Variants in ITGAE observed in about 807,000 individuals in gnomAD.
The protein encoded by ITGAE is integrin subunit alpha E.
A neutral mutation model predicts 136.5 loss-of-function variants in ITGAE; 99 were observed. The observed-to-expected ratio is 0.73, with a 90% CI of 0.62 to 0.86. ITGAE has a LOEUF of 0.86. Among genes scored for constraint, ITGAE ranks in the 40% least tolerant of loss-of-function variants. The pLI is 0.00. For missense variants in ITGAE, 1,447 were observed against 1,515.3 expected (o/e 0.95, Z 0.75); for synonymous variants, 613 against 591.8 (o/e 1.04, Z -0.52).
chr17:3,731,347 T>TC, intron 22 of ITGAE, among the ~76,000 whole-genome samples, 164 bp from the exon 23 acceptor site: 1 of 23,558 alleles, frequency 4.2e-5, no homozygotes, highest in East Asian at 1.8e-3. Flanking sequence ...TTTTTTTTTT[T>TC]TTTTTTTTTT....
intron 29 of ITGAE, among the ~76,000 whole-genome samples, chr17:3,719,797 G>A (rs376239137): frequency 4.0e-4 from 60 of 151,048 alleles, no homozygotes; most frequent in African/African-American, 1.4e-3. Context: ...GTGTGATCTC[G>A]GCTCACTGCA....
chr17:3,759,024 C>T (rs2143069895), intron 8 of ITGAE, among the ~76,000 whole-genome samples: 3 of 151,308 alleles, frequency 2.0e-5, no homozygotes, highest in Non-Finnish European at 4.4e-5. Flanking sequence ...ACTCGGGAGG[C>T]TGAGGCAGGA....
intron 18 of ITGAE, among the ~76,000 whole-genome samples, chr17:3,745,175 G>C (rs953173669): frequency 2.0e-5 from 3 of 151,804 alleles, no homozygotes; most frequent in Admixed American, 6.6e-5. Flanking sequence ...CCTTTTAGTT[G>C]TTCACTTTTT....
Position 3,763,957 on chromosome 17 carries a change from G to A in ITGAE, c.159C>T (p.Leu53=), listed in dbSNP as rs770676381. ...HQDPSTNQTW[L]LVTSPRTKRT... ...TCTTGGTTCTGGGGCTGGTGACCAG[G>A]AGCCTGAGTGGGAGGGGAGGTTGCA... The change falls in exon 3 of 31, where the codon CTC becomes CTT. Residue 53 remains leucine, a synonymous_variant. Transcript: ENST00000263087. The A allele has an allele frequency of 2.5e-6, 4 of 1,610,934 alleles. No homozygotes were observed. The highest frequency in any genetic ancestry group is 2.2e-5 in the East Asian group (1 of 44,812).
intron 2 of ITGAE, among the ~76,000 whole-genome samples, chr17:3,768,924 G>C (rs1042642185): frequency 2.0e-5 from 3 of 152,324 alleles, no homozygotes; most frequent in South Asian, 4.1e-4. Context: ...ACAGCTGAGG[G>C]GGCTCATCTG....
intron 30 of ITGAE, 57 bp downstream of exon 30, chr17:3,716,631 T>C: frequency 9.2e-7 from 1 of 1,085,482 alleles, no homozygotes; most frequent in Non-Finnish European, 1.4e-6. Flanking sequence ...TAAGGAGTTC[T>C]GTGCCCAAAA....
At chr17:3,750,095 T>A (rs1376274233) in intron 16 of ITGAE, among the ~76,000 whole-genome samples, 1 of 152,220 alleles carries the variant, frequency 6.6e-6, no homozygotes, top group Non-Finnish European at 1.5e-5. Flanking sequence ...ATATATTCGC[T>A]TGCATGATCC....
chr17:3,769,176 C>T (rs936665287), intron 2 of ITGAE, among the ~76,000 whole-genome samples: 1 of 152,132 alleles, frequency 6.6e-6, no homozygotes, highest in Non-Finnish European at 1.5e-5. Flanking sequence ...CGCCTCCAGT[C>T]TCTCTCCTCC....
rs757822911 is a variant in ITGAE, at chr17:3,729,459, G to T, written c.2912+19C>A. 9 of 1,539,688 alleles carry T rather than the reference G, an allele frequency of 5.8e-6. No homozygotes were observed. In the East Asian group the frequency reaches 9.0e-5, roughly 15 times the overall value. ...GGGCGATGGAGTCACACCGCTGCTGGCCTCTTGGGAGTACTCACTTGGACA... is the reference window on the plus strand; with the variant it reads ...GGGCGATGGAGTCACACCGCTGCTGTCCTCTTGGGAGTACTCACTTGGACA... On this transcript the variant is annotated intron_variant, in intron 24 of 30. Coordinates refer to ENST00000263087, the MANE Select transcript of ITGAE (RefSeq NM_002208.5).
intron 12 of ITGAE, 93 bp downstream of exon 12, chr17:3,755,024 C>A (rs1597336228): frequency 2.2e-6 from 3 of 1,334,376 alleles, no homozygotes; most frequent in South Asian, 1.4e-5. Context: ...CGCCCTCGCC[C>A]ACGTAGCCCT....
In ITGAE at chr17:3,729,504, C is replaced by G. The variant is rs1305325654; in HGVS notation, c.2886G>C (p.Arg962Ser). The part of the protein sequence containing the change: ...LANETHTLQF[R>S]HGFVAVLSKP... ...TGGACAGAACTGCAACGAAGCCATGCCTGAATTGAAGGGTGTGGGTCTCGT... is the reference window on the plus strand; with the variant it reads ...TGGACAGAACTGCAACGAAGCCATGGCTGAATTGAAGGGTGTGGGTCTCGT... The change falls in exon 24 of 31, where the codon AGG becomes AGC. Residue 962 changes from arginine (R) to serine (S), a missense_variant. This residue lies in a region of ITGAE where 1,031 missense variants were observed against 1,011.4 expected (regional missense o/e 1.02). Transcript: ENST00000263087. The G allele has an allele frequency of 5.0e-6, 8 of 1,611,932 alleles. No homozygotes were observed. The South Asian group carries it at 7.7e-5, about 15-fold the overall frequency.
At chr17:3,769,836 T>C (rs745795697) in intron 2 of ITGAE, among the ~76,000 whole-genome samples, 3 of 151,124 alleles carry the variant, frequency 2.0e-5, no homozygotes, top group Non-Finnish European at 4.4e-5. Flanking sequence ...ATTACAGGCA[T>C]GTGCCACCAC....
At chr17:3,758,749 G>T (rs1029374241) in intron 8 of ITGAE, among the ~76,000 whole-genome samples, 1 of 151,666 alleles carries the variant, frequency 6.6e-6, no homozygotes, top group Non-Finnish European at 1.5e-5. Flanking sequence ...ACCACGCTCA[G>T]CCTATTTTTC....
Position 3,750,454 on chromosome 17 carries a change from C to CT in ITGAE, c.1921_1922insA (p.Gly641GlufsTer14). ...CATGGACATGCCGAAGTACTGGAGT[C>CT]CTGGGGCCACCGTGGAGGCTCTGAT... On this transcript the variant is annotated frameshift_variant, in exon 16 of 31. Transcript: ENST00000263087. LOFTEE classifies it high-confidence loss of function. The CT allele has an allele frequency of 1.9e-6, 3 of 1,614,176 alleles. No homozygotes were observed. Among genetic ancestry groups the CT allele is most frequent in the Non-Finnish European group, 2.5e-6 (3 of 1,180,020 alleles).
intron 26 of ITGAE, chr17:3,726,436 C>G (rs951590079): frequency 4.1e-6 from 3 of 731,352 alleles, no homozygotes; most frequent in African/African-American, 1.7e-5. Context: ...CCCATTCTCA[C>G]AGGTTTCCAG....
chr17:3,770,706 A>C (rs2143224442), intron 2 of ITGAE, among the ~76,000 whole-genome samples: 1 of 152,208 alleles, frequency 6.6e-6, no homozygotes, highest in Middle Eastern at 3.4e-3. Flanking sequence ...CCTCCTCCCC[A>C]GCGTGTTCAA....
At chr17:3,792,625 G>A (rs1043569388) in intron 1 of ITGAE, among the ~76,000 whole-genome samples, 10 of 152,170 alleles carry the variant, frequency 6.6e-5, no homozygotes, top group African/African-American at 1.2e-4. Context: ...TGTAGATCAC[G>A]CAGTGCCAGC....
In ITGAE at chr17:3,759,389, C is replaced by T. The variant is rs772718596; in HGVS notation, c.866+13G>A. 2.5e-6 allele frequency: 4 copies of T among 1,609,946 alleles called. No homozygotes were observed. In the Admixed American group the frequency reaches 5.0e-5, roughly 20 times the overall value. ...GGCATGGCCAGAATAATTCCTGCAG[C>T]CCCCACACTCACAAGACGTGTTGCA... On this transcript the variant is annotated intron_variant, in intron 8 of 30. Coordinates refer to ENST00000263087, the MANE Select transcript of ITGAE (RefSeq NM_002208.5).
At chr17:3,722,636 G>A (rs1190040262) in intron 28 of ITGAE, 3 of 153,700 alleles carry the variant, frequency 2.0e-5, no homozygotes, top group African/African-American at 7.2e-5. Flanking sequence ...TAGAAGAATA[G>A]GACAGAATAA....
Sources: gnomAD v4.1 joint callset for allele counts (sites outside exome capture counted in the v4.1 genomes callset) on GRCh38, gnomAD v4.1.1 for gene constraint, gnomAD v4.1.1 regional missense constraint, MANE v1.5 for transcripts, NCBI Gene and HGNC (gene_info 2026-07-23, HGNC 2026-07-21) for gene names.